The following FCRL6 variants were observed in gnomAD, a reference collection of about 807,000 sequenced individuals.
The protein encoded by FCRL6 is Fc receptor like 6, also known as Fc receptor-like protein 6.
Under a neutral mutation model 49.1 loss-of-function variants are expected in FCRL6, and 50 were observed. The observed-to-expected ratio is 1.02, with a 90% CI of 0.81 to 1.29. The LOEUF is 1.29. Ranked by LOEUF, FCRL6 falls within the 50% of genes most tolerant of loss-of-function variation. The pLI is 0.00. For synonymous variants in FCRL6, 213 were observed against 199.6 expected (o/e 1.07, Z -0.57); for missense variants, 571 against 518.5 (o/e 1.10, Z -0.98).
At chr1:159,802,350 C>G, upstream of FCRL6, 4 of 1,588,992 alleles carry the variant, frequency 2.5e-6, no homozygotes, top group Non-Finnish European at 3.4e-6. Flanking sequence ...GGTCCTGAGG[C>G]CTGGTTGCTC....
chr1:159,814,869 G>T (rs566695007), intron 8 of FCRL6, among the ~76,000 whole-genome samples: 9 of 152,312 alleles, frequency 5.9e-5, no homozygotes, highest in African/African-American at 2.2e-4. Context: ...TCAGAACTGA[G>T]TTTGAAACCT....
chr1:159,814,807 A>C (rs1663298045), intron 8 of FCRL6, among the ~76,000 whole-genome samples: 1 of 152,208 alleles, frequency 6.6e-6, no homozygotes, highest in Admixed American at 6.5e-5. Flanking sequence ...CTGGTCCTTT[A>C]ACAGAGAAAT....
chr1:159,800,991 CT>C (rs1455331787), upstream of FCRL6, among the ~76,000 whole-genome samples: 10 of 152,038 alleles, frequency 6.6e-5, no homozygotes, highest in Non-Finnish European at 1.3e-4. Flanking sequence ...ACACTCCAGC[CT>C]GGGCAACAGA....
rs1446275895 is a variant in FCRL6 at position 159,808,142 on chromosome 1, G to C, written c.53-36G>C. On this transcript the variant is annotated intron_variant, in intron 2 of 9. Coordinates refer to ENST00000368106, the MANE Select transcript of FCRL6 (RefSeq NM_001004310.3). ...GGGAGAGAAGTGACTGATGGGACCT[G>C]TAGCTCCAGGGCTGCCCTGTTCCTC... The C allele has an allele frequency of 2.5e-6, 4 of 1,580,820 alleles. No homozygotes were observed. The African/African-American group carries it at 5.4e-5, about 21-fold the overall frequency.
At chr1:159,812,035 T>C (rs568777328) in intron 6 of FCRL6, among the ~76,000 whole-genome samples, 1 of 152,282 alleles carries the variant, frequency 6.6e-6, no homozygotes, top group East Asian at 1.9e-4. Context: ...AAGATACCTT[T>C]CACAGGGAAC....
At chr1:159,800,744 T>G, upstream of FCRL6, 1 of 758,868 alleles carries the variant, frequency 1.3e-6, no homozygotes, top group Non-Finnish European at 2.3e-6. Flanking sequence ...AGTCAGACAA[T>G]CTAGGGCAAG....
chr1:159,810,117 G>A lies in FCRL6; in HGVS notation c.910G>A (p.Ala304Thr), dbSNP rs35110859. 1.4e-5 allele frequency: 23 copies of A among 1,613,206 alleles called. No homozygotes were observed. The highest frequency in any genetic ancestry group is 5.0e-5 in the Admixed American group (3 of 59,886). Residue 304 changes from alanine to threonine, a missense_variant, in exon 6 of 10, where the codon GCC (alanine) becomes ACC (threonine). Transcript: ENST00000368106. ...LKGSQVLFTPASNWLVPWLPA... is the reference protein window; with the variant it reads ...LKGSQVLFTPTSNWLVPWLPA... ...AGGTTCTCAAGTCTTGTTCACTCCC[G>A]CCAGCAACTGGCTGGTTCCTTGGCT...
rs944987619 is a variant in FCRL6 at position 159,809,244 on chromosome 1, G to T, written c.603G>T (p.Gln201His). The T allele has an allele frequency of 1.3e-6, 2 of 1,558,002 alleles. No homozygotes were observed. Among genetic ancestry groups the T allele is most frequent in the East Asian group, 2.2e-5 (1 of 44,470 alleles). Reference sequence around the variant, plus strand: ...GCCCCCAGCTGGAGGTCAGAGTGCAGGGTAAGTGCGCGAGAGAGTGGAGAT... The same window carrying T: ...GCCCCCAGCTGGAGGTCAGAGTGCATGGTAAGTGCGCGAGAGAGTGGAGAT... ...KQSPQLEVRV[Q>H]APVSRPVLTL... Residue 201 changes from glutamine to histidine, a missense_variant and splice_region_variant, in exon 4 of 10, where the codon CAG becomes CAT. Physicochemically the swap from Gln to His is conservative, Grantham distance 24. Coordinates refer to ENST00000368106, the MANE Select transcript of FCRL6 (RefSeq NM_001004310.3).
At chr1:159,813,603 G>T (rs763468667) in intron 7 of FCRL6, 49 bp downstream of exon 7, 10 of 1,528,776 alleles carry the variant, frequency 6.5e-6, no homozygotes, top group Non-Finnish European at 9.1e-6. Context: ...GCCAAAAAGA[G>T]CTTCTTAAGG....
chr1:159,813,930 CAG>C (rs1406543465), intron 7 of FCRL6, among the ~76,000 whole-genome samples: 1 of 152,142 alleles, frequency 6.6e-6, no homozygotes, highest in African/African-American at 2.4e-5. Flanking sequence ...ACATTTGTGA[CAG>C]AGATTATACA....
Position 159,815,912 on chromosome 1 carries a change from C to T in FCRL6, c.*251C>T, listed in dbSNP as rs1263344639. ...CTTAGGTTCAATCAGTGACACTGGA[C>T]ACATAAGCCACAGATGTCTTCTTTC... On this transcript the variant is annotated 3_prime_UTR_variant, in exon 10 of 10. Transcript: ENST00000368106. 4.4e-6 allele frequency: 2 copies of T among 456,192 alleles called. No individual in the cohort carries two copies. The highest frequency in any genetic ancestry group is 8.1e-6 in the Non-Finnish European group (2 of 246,892). The allele number at this position is 456,192 out of a possible 1,614,324, so 28.3% of individuals were successfully genotyped here.
At chr1:159,812,029 T>A (rs1205997217) in intron 6 of FCRL6, among the ~76,000 whole-genome samples, 1 of 152,182 alleles carries the variant, frequency 6.6e-6, no homozygotes, top group East Asian at 1.9e-4. Context: ...AAGAACAAGA[T>A]ACCTTTCACA....
chr1:159,813,489 G>A lies in FCRL6; in HGVS notation c.1010G>A (p.Gly337Glu). 1 of 1,613,786 alleles carries A rather than the reference G, an allele frequency of 6.2e-7. No individual in the cohort carries two copies. The highest frequency in any genetic ancestry group is 8.5e-7 in the Non-Finnish European group (1 of 1,179,744). ...LVYVRSWRKA[G>E]PLPSQIPPTA... ...TGAATCATGCCCTTGTATCTCCTAG[G>A]GCCCCTTCCATCCCAGATACCACCC... The change falls in exon 7 of 10, where the codon GGG (glycine) becomes GAG (glutamate). Residue 337 changes from glycine (G) to glutamate (E), a missense_variant and splice_region_variant. Coordinates refer to ENST00000368106, the MANE Select transcript of FCRL6 (RefSeq NM_001004310.3).
chr1:159,815,600 T>G lies in FCRL6; in HGVS notation c.1244T>G (p.Val415Gly). Reference protein sequence around the residue: ...LQPSEVSSTEVNMRSRTLQEP... With the variant: ...LQPSEVSSTEGNMRSRTLQEP... ...CCCAGTGAGGTTTCATCCACGGAGG[T>G]GAATATGAGAAGCAGGACTCTCCAA... Residue 415 changes from valine (V) to glycine (G), a missense_variant, in exon 10 of 10, where the codon GTG becomes GGG. By Grantham distance (109) the Val-to-Gly change is moderately radical. Coordinates refer to ENST00000368106, the MANE Select transcript of FCRL6 (RefSeq NM_001004310.3). The G allele has an allele frequency of 6.2e-7, 1 of 1,613,992 alleles. No individual in the cohort carries two copies. Among genetic ancestry groups the G allele is most frequent in the Non-Finnish European group, 8.5e-7 (1 of 1,179,986 alleles).
At chr1:159,808,480 G>A (rs373331988) in intron 3 of FCRL6, 36 bp downstream of exon 3, 3 of 1,613,200 alleles carry the variant, frequency 1.9e-6, no homozygotes, top group East Asian at 2.2e-5. Flanking sequence ...GGGGCAGGAG[G>A]TGCTGCTCAA....
At chr1:159,805,412 G>A (rs566822623) in intron 1 of FCRL6, among the ~76,000 whole-genome samples, 118 of 152,094 alleles carry the variant, frequency 7.8e-4, no homozygotes, top group African/African-American at 2.7e-3. Context: ...CAGCAATGCA[G>A]GACACAAGTA....
At position 159,809,398 on chromosome 1, in the gene FCRL6, C is replaced by T; in HGVS notation, c.605-4C>T. The T allele has an allele frequency of 6.3e-7, 1 of 1,585,882 alleles. No individual in the cohort carries two copies. Among genetic ancestry groups the T allele is most frequent in the Non-Finnish European group, 8.6e-7 (1 of 1,163,766 alleles). ...CTGAGCCTCCCACCCCATGTGTGTCCCAGCTCCTGTATCCCGTCCTGTGCT... is the reference window on the plus strand; with the variant it reads ...CTGAGCCTCCCACCCCATGTGTGTCTCAGCTCCTGTATCCCGTCCTGTGCT... On this transcript the variant is annotated splice_polypyrimidine_tract_variant and splice_region_variant and intron_variant, in intron 4 of 9. Transcript: ENST00000368106.
intron 8 of FCRL6, among the ~76,000 whole-genome samples, chr1:159,814,696 T>C (rs771024566): frequency 7.9e-5 from 12 of 152,088 alleles, no homozygotes; most frequent in Non-Finnish European, 1.5e-4. Flanking sequence ...TGCTCCAGAG[T>C]CTAAGTCTAA....
At chr1:159,807,781 G>A (rs188885106) in intron 2 of FCRL6, among the ~76,000 whole-genome samples, 3 of 152,244 alleles carry the variant, frequency 2.0e-5, no homozygotes, top group East Asian at 3.9e-4. Flanking sequence ...AGGGAATTGA[G>A]TCAGGAGGAA....
Sources: allele counts gnomAD v4.1 joint callset (sites outside exome capture counted in the v4.1 genomes callset), GRCh38; gene constraint gnomAD v4.1.1; transcripts MANE v1.5; gene names NCBI Gene and HGNC (gene_info 2026-07-23, HGNC 2026-07-21).